GRXCR2: variants seen among roughly 807,000 people sequenced by gnomAD.
GRXCR2 encodes the protein glutaredoxin domain-containing cysteine-rich protein 2.
GRXCR2 carries 23 observed loss-of-function variants against 24.8 expected under a neutral mutation model. The ratio of observed to expected loss-of-function variants is 0.93; its 90% CI spans 0.67 to 1.32. The LOEUF is 1.32. Ranked by LOEUF, GRXCR2 falls within the 40% of genes most tolerant of loss-of-function variation. GRXCR2 has a pLI of 0.00. For missense variants in GRXCR2, 315 were observed against 303.4 expected (o/e 1.04, Z -0.28); for synonymous variants, 130 against 116.1 (o/e 1.12, Z -0.77).
chr5:145,897,255 A>C (rs1474651892), intron 2 of GRXCR2, among the ~76,000 whole-genome samples: 1 of 105,352 alleles, frequency 9.5e-6, no homozygotes. Flanking sequence ...TGTTACATAC[A>C]TACATACATA....
chr5:145,888,782 T>G (rs1024157433), intron 2 of GRXCR2, among the ~76,000 whole-genome samples: 1 of 152,218 alleles, frequency 6.6e-6, no homozygotes, highest in Non-Finnish European at 1.5e-5. Flanking sequence ...TGGGTTTTTC[T>G]TAAAAACATA....
chr5:145,891,475 C>T (rs148605714), intron 2 of GRXCR2, among the ~76,000 whole-genome samples: 3,208 of 152,320 alleles, frequency 0.021, 41 homozygotes, highest in Middle Eastern at 0.051. Flanking sequence ...AACGGCACAC[C>T]AGGAGATTAT....
intron 2 of GRXCR2, among the ~76,000 whole-genome samples, chr5:145,925,922 A>C (rs1757387941): frequency 6.6e-6 from 1 of 152,126 alleles, no homozygotes; most frequent in Non-Finnish European, 1.5e-5. Flanking sequence ...TAATCAGAGC[A>C]CTTGGGGAAT....
intron 2 of GRXCR2, among the ~76,000 whole-genome samples, chr5:145,923,909 C>G (rs1261937976): frequency 6.6e-6 from 1 of 152,040 alleles, no homozygotes; most frequent in African/African-American, 2.4e-5. Context: ...AGTGAATGTC[C>G]TTGTATATAT....
intron 1 of GRXCR2, among the ~76,000 whole-genome samples, chr5:145,870,450 A>T (rs1756509878): frequency 6.6e-6 from 1 of 152,142 alleles, no homozygotes; most frequent in South Asian, 2.1e-4. Context: ...TGTTGTATGT[A>T]CATACCGCAT....
intron 2 of GRXCR2, among the ~76,000 whole-genome samples, chr5:145,921,565 C>T (rs370337188): frequency 6.6e-5 from 10 of 152,290 alleles, no homozygotes; most frequent in South Asian, 2.1e-4. Flanking sequence ...CCCAACTTTC[C>T]GGAGAAGCAA....
intron 1 of GRXCR2, among the ~76,000 whole-genome samples, chr5:145,869,291 A>G (rs1025407255): frequency 7.9e-5 from 12 of 152,210 alleles, no homozygotes; most frequent in Middle Eastern, 3.2e-3. Context: ...TGAAGATGAA[A>G]TTATGCAATA....
At position 145,889,738 on chromosome 5, in the gene GRXCR2, G is replaced by A. The variant is rs569299904; in HGVS notation, c.-69-23010C>T. Among the ~76,000 whole-genome samples the A allele has an allele frequency of 3.3e-5, 5 of 152,278 alleles. No individual in the cohort carries two copies. The South Asian group carries it at 1.0e-3, about 32-fold the overall frequency. On this transcript the variant is annotated intron_variant, in intron 2 of 3. Transcript: ENST00000639411. The stretch of plus-strand genomic sequence containing the variant: ...GGTCCCTACACAAAATGGAAACTCG[G>A]AAATGACAGGTAAAGAATTCAAAGC...
At chr5:145,873,033 A>G, upstream of GRXCR2, 1 of 1,336,614 alleles carries the variant, frequency 7.5e-7, no homozygotes, top group Non-Finnish European at 1.0e-6. Context: ...GGCCTCTGAG[A>G]AAAAGGCATT....
intron 2 of GRXCR2, among the ~76,000 whole-genome samples, chr5:145,896,939 G>T (rs1379990711): frequency 2.0e-5 from 3 of 152,046 alleles, no homozygotes; most frequent in Non-Finnish European, 4.4e-5. Context: ...ATACACCATG[G>T]AATACTATGC....
chr5:145,919,158 C>T (rs917064459), intron 2 of GRXCR2, among the ~76,000 whole-genome samples: 3 of 152,182 alleles, frequency 2.0e-5, no homozygotes, highest in African/African-American at 7.2e-5. Context: ...CCAAATCCTC[C>T]TCCTTTCTCC....
chr5:145,929,223 A>ATATATC (rs926767823), intron 2 of GRXCR2, among the ~76,000 whole-genome samples: 4 of 142,900 alleles, frequency 2.8e-5, no homozygotes, highest in African/African-American at 1.0e-4. Flanking sequence ...ATATATATAT[A>ATATATC]TCACCATTTA....
intron 2 of GRXCR2, among the ~76,000 whole-genome samples, chr5:145,889,632 G>A (rs1175766374): frequency 6.6e-6 from 1 of 152,112 alleles, no homozygotes; most frequent in Non-Finnish European, 1.5e-5. Context: ...AGATGAGAAG[G>A]AACTGGCACA....
chr5:145,929,666 T>C (rs1485762874), intron 2 of GRXCR2, among the ~76,000 whole-genome samples: 1 of 152,224 alleles, frequency 6.6e-6, no homozygotes, highest in African/African-American at 2.4e-5. Context: ...AATAATAGAA[T>C]GGAAAGATGC....
intron 2 of GRXCR2, among the ~76,000 whole-genome samples, chr5:145,885,353 C>A (rs1188513283): frequency 6.6e-6 from 1 of 152,158 alleles, no homozygotes; most frequent in Non-Finnish European, 1.5e-5. Flanking sequence ...TTATATTTCA[C>A]CACCACTTTT....
At chr5:145,880,213 TAGAG>T (rs1756679270) in intron 2 of GRXCR2, among the ~76,000 whole-genome samples, 1 of 151,730 alleles carries the variant, frequency 6.6e-6, no homozygotes, top group Non-Finnish European at 1.5e-5. Context: ...CTGAGAGAGA[TAGAG>T]ACACAAAAAA....
At chr5:145,896,485 C>T (rs911479596) in intron 2 of GRXCR2, among the ~76,000 whole-genome samples, 4 of 152,154 alleles carry the variant, frequency 2.6e-5, no homozygotes, top group Non-Finnish European at 5.9e-5. Flanking sequence ...TATGAACAGA[C>T]ACTTCTCAAA....
chr5:145,921,281 T>C (rs1279118145), intron 2 of GRXCR2, among the ~76,000 whole-genome samples: 8 of 152,128 alleles, frequency 5.3e-5, no homozygotes, highest in Non-Finnish European at 1.0e-4. Flanking sequence ...ATTCATTAGA[T>C]ATATATGTGC....
upstream of GRXCR2, among the ~76,000 whole-genome samples, chr5:145,877,950 A>G (rs1458040141): frequency 1.3e-5 from 2 of 152,252 alleles, no homozygotes; most frequent in Non-Finnish European, 2.9e-5. Context: ...TGCAGCTGAG[A>G]GACCTGACTG....
Sources: gnomAD v4.1 joint callset for allele counts (sites outside exome capture counted in the v4.1 genomes callset) on GRCh38, gnomAD v4.1.1 for gene constraint, MANE v1.5 for transcripts, NCBI Gene and HGNC (gene_info 2026-07-23, HGNC 2026-07-21) for gene names.